RUNDC3B: variants seen among roughly 807,000 people sequenced by gnomAD.
RUNDC3B encodes RUN domain-containing protein 3B.
In RUNDC3B, 33 loss-of-function variants were observed where a neutral mutation model predicts 58.4. The observed-to-expected ratio is 0.56, with a 90% CI of 0.43 to 0.75. The LOEUF (loss-of-function observed/expected upper bound fraction) is 0.75, where lower values mean the gene tolerates loss of function less well. Among genes scored for constraint, RUNDC3B ranks in the 30% least tolerant of loss-of-function variants. The probability of loss-of-function intolerance (pLI) is 0.00; values close to 1 mark genes in which losing one functional copy is unlikely to be tolerated. For missense variants in RUNDC3B, 501 were observed against 535.7 expected (o/e 0.94, Z 0.64); for synonymous variants, 193 against 195.2 (o/e 0.99, Z 0.10).
chr7:87,729,377 C>T (rs1831444447), intron 4 of RUNDC3B, among the ~76,000 whole-genome samples: 2 of 152,140 alleles, frequency 1.3e-5, no homozygotes, highest in South Asian at 4.1e-4. Context: ...CTCCTTCATC[C>T]CCCAGCAATG....
At chr7:87,696,570 G>A (rs1393875714) in intron 2 of RUNDC3B, among the ~76,000 whole-genome samples, 1 of 152,140 alleles carries the variant, frequency 6.6e-6, no homozygotes, top group Non-Finnish European at 1.5e-5. Context: ...TTGTTTGGAG[G>A]TTCTAGCAAG....
At chr7:87,790,644 TA>T (rs1835475166) in intron 8 of RUNDC3B, among the ~76,000 whole-genome samples, 1 of 151,894 alleles carries the variant, frequency 6.6e-6, no homozygotes, top group African/African-American at 2.4e-5. Context: ...GAGATTGAAA[TA>T]ATTAAAAAGA....
chr7:87,721,370 T>A (rs987805052), intron 4 of RUNDC3B, among the ~76,000 whole-genome samples: 9 of 152,048 alleles, frequency 5.9e-5, no homozygotes, highest in Admixed American at 2.6e-4. Context: ...GAATATACAT[T>A]ATGGTATGCT....
chr7:87,693,483 A>G (rs1395066524), intron 2 of RUNDC3B, among the ~76,000 whole-genome samples: 2 of 152,200 alleles, frequency 1.3e-5, no homozygotes, highest in East Asian at 1.9e-4. Context: ...TTTCTGAGCC[A>G]TATAGTTCCA....
chr7:87,807,359 C>T lies in RUNDC3B; in HGVS notation c.957-14C>T. The T allele has an allele frequency of 3.1e-6, 5 of 1,612,928 alleles. No homozygotes were observed. Among genetic ancestry groups the T allele is most frequent in the Non-Finnish European group, 4.2e-6 (5 of 1,179,266 alleles). On this transcript the variant is annotated splice_polypyrimidine_tract_variant and intron_variant, in intron 8 of 10. Transcript: ENST00000394654. ...CAGTGAAGACAAAAGCACTCACCAT[C>T]TTAATATTCACAGGACTGTGCTAAA...
At chr7:87,673,519 T>C (rs12540931) in intron 2 of RUNDC3B, among the ~76,000 whole-genome samples, 14,380 of 152,282 alleles carry the variant, frequency 0.094, 813 homozygotes, top group African/African-American at 0.16. Flanking sequence ...TTAATACTTG[T>C]GATTATATTA....
Position 87,734,443 on chromosome 7 carries a change from C to T in RUNDC3B, c.459-5348C>T, listed in dbSNP as rs563266484. On this transcript the variant is annotated intron_variant, in intron 4 of 10. Coordinates refer to ENST00000394654, the MANE Select transcript of RUNDC3B (RefSeq NM_001134405.2). Reference sequence around the variant, plus strand: ...AGACCAGGTAGCATATGATTCCCTTCTTCCTTTAGTTACCAACTTTCTGTC... The same window carrying T: ...AGACCAGGTAGCATATGATTCCCTTTTTCCTTTAGTTACCAACTTTCTGTC... 2.6e-5 allele frequency among the ~76,000 whole-genome samples: 4 copies of T among 152,292 alleles called. No individual in the cohort carries two copies. The South Asian group carries it at 8.3e-4, about 32-fold the overall frequency.
intron 1 of RUNDC3B, among the ~76,000 whole-genome samples, chr7:87,635,238 C>T (rs1315986542): frequency 6.6e-6 from 1 of 152,206 alleles, no homozygotes; most frequent in African/African-American, 2.4e-5. Flanking sequence ...GCTCCACACT[C>T]TTCTATCCCC....
chr7:87,685,174 T>C (rs1827334275), intron 2 of RUNDC3B, among the ~76,000 whole-genome samples: 1 of 152,138 alleles, frequency 6.6e-6, no homozygotes, highest in Non-Finnish European at 1.5e-5. Flanking sequence ...AAAAAATATT[T>C]GCAAATCACA....
intron 6 of RUNDC3B, among the ~76,000 whole-genome samples, chr7:87,758,239 T>C (rs1833479669): frequency 6.6e-6 from 1 of 152,166 alleles, no homozygotes; most frequent in Non-Finnish European, 1.5e-5. Context: ...GGAGAATCAC[T>C]TGAGCCCAGG....
chr7:87,738,866 G>C (rs1182431110), intron 4 of RUNDC3B, among the ~76,000 whole-genome samples: 1 of 151,802 alleles, frequency 6.6e-6, no homozygotes, highest in Admixed American at 6.6e-5. Flanking sequence ...ATTTTTTGCA[G>C]AATTTATAAA....
At chr7:87,761,689 C>A (rs1453563941) in intron 6 of RUNDC3B, among the ~76,000 whole-genome samples, 1 of 151,768 alleles carries the variant, frequency 6.6e-6, no homozygotes, top group Non-Finnish European at 1.5e-5. Context: ...ACTTTGAAAC[C>A]ATTATAGGTG....
chr7:87,695,180 AT>A (rs898697886), intron 2 of RUNDC3B, among the ~76,000 whole-genome samples: 168 of 152,164 alleles, frequency 1.1e-3, no homozygotes, highest in Non-Finnish European at 9.6e-4. Context: ...TACTTGTTCT[AT>A]TTTTTAGAAC....
chr7:87,700,223 A>T (rs929512825), intron 2 of RUNDC3B, among the ~76,000 whole-genome samples, 198 bp from the exon 3 acceptor site: 1 of 152,164 alleles, frequency 6.6e-6, no homozygotes, highest in Admixed American at 6.5e-5. Flanking sequence ...TAAATTAAGT[A>T]AATTTTCCAA....
intron 8 of RUNDC3B, among the ~76,000 whole-genome samples, chr7:87,786,545 GAGATTTCTGGTTATTAAAAACC>G (rs1270199297): frequency 1.3e-5 from 2 of 151,522 alleles, no homozygotes; most frequent in East Asian, 1.9e-4. Flanking sequence ...CCAAACAGTA[GAGATTTCTGGTTATTAAAAACC>G]AGATTTCTGG....
intron 7 of RUNDC3B, among the ~76,000 whole-genome samples, chr7:87,773,658 CTTGTTTTGTTTTGTT>C (rs10699526): frequency 4.1e-5 from 6 of 147,168 alleles, no homozygotes; most frequent in East Asian, 4.0e-4. Flanking sequence ...TTTGTCTTGT[CTTGTTTTGTTTTGTT>C]TTGTTTTGTT....
intron 4 of RUNDC3B, among the ~76,000 whole-genome samples, chr7:87,730,089 T>C (rs1471732326): frequency 6.6e-6 from 1 of 152,144 alleles, no homozygotes; most frequent in Admixed American, 6.6e-5. Context: ...ACCCAGGCAG[T>C]TCTCACCACA....
At chr7:87,696,186 A>T (rs568991642) in intron 2 of RUNDC3B, among the ~76,000 whole-genome samples, 14 of 152,304 alleles carry the variant, frequency 9.2e-5, no homozygotes, top group African/African-American at 3.4e-4. Context: ...AATTCTGTTA[A>T]TGACAGCATA....
chr7:87,813,343 A>G (rs1836827045), intron 9 of RUNDC3B, among the ~76,000 whole-genome samples: 1 of 152,184 alleles, frequency 6.6e-6, no homozygotes, highest in African/African-American at 2.4e-5. Flanking sequence ...CTGCTTTTAC[A>G]GAGTTTTTTC....
Sources: gnomAD v4.1 joint callset for allele counts (sites outside exome capture counted in the v4.1 genomes callset) on GRCh38, gnomAD v4.1.1 for gene constraint, MANE v1.5 for transcripts, NCBI Gene and HGNC (gene_info 2026-07-23, HGNC 2026-07-21) for gene names.